Variants in USP38 observed in about 807,000 individuals in gnomAD.
The protein encoded by USP38 is ubiquitin carboxyl-terminal hydrolase 38.
Under a neutral mutation model 94.3 loss-of-function variants are expected in USP38, and 49 were observed. The ratio of observed to expected loss-of-function variants is 0.52; its 90% CI spans 0.41 to 0.66. The LOEUF (loss-of-function observed/expected upper bound fraction) is 0.66. Ranked by LOEUF, USP38 falls within the 30% of genes least tolerant of loss-of-function variation. The pLI, the probability that USP38 is intolerant of heterozygous loss-of-function variation, is 0.00. For synonymous variants in USP38, 468 were observed against 463.6 expected, an observed-to-expected ratio of 1.01 and a Z score of -0.12; for missense variants, 1,128 against 1,229.4, an observed-to-expected ratio of 0.92 and a Z score of 1.23.
chr4:143,217,704 A>G (rs940629144), intron 9 of USP38, among the ~76,000 whole-genome samples: 3 of 152,186 alleles, frequency 2.0e-5, no homozygotes, highest in Non-Finnish European at 4.4e-5. Context: ...TTTTAAATCT[A>G]GCCACAACCA....
At chr4:143,189,676 A>C (rs1005883290) in intron 2 of USP38, among the ~76,000 whole-genome samples, 1 of 151,996 alleles carries the variant, frequency 6.6e-6, no homozygotes, top group Admixed American at 6.5e-5. Context: ...TTCCAGTTTC[A>C]TACTATTCAT....
intron 9 of USP38, among the ~76,000 whole-genome samples, chr4:143,218,463 C>T (rs1242637628): frequency 2.0e-5 from 3 of 151,966 alleles, no homozygotes; most frequent in Non-Finnish European, 4.4e-5. Context: ...ACAGTTTTTC[C>T]TATTTTTATG....
chr4:143,191,525 G>A (rs1013296792), intron 2 of USP38, among the ~76,000 whole-genome samples: 2 of 152,178 alleles, frequency 1.3e-5, no homozygotes, highest in Admixed American at 6.5e-5. Flanking sequence ...ATGTAAAAAT[G>A]GAAATTGCTG....
chr4:143,192,971 T>C (rs1375760316), intron 2 of USP38, among the ~76,000 whole-genome samples: 1 of 152,150 alleles, frequency 6.6e-6, no homozygotes, highest in Non-Finnish European at 1.5e-5. Context: ...AAGTGGAATT[T>C]TCTACTCTCT....
At chr4:143,206,665 G>A (rs1731877324) in intron 6 of USP38, among the ~76,000 whole-genome samples, 1 of 152,146 alleles carries the variant, frequency 6.6e-6, no homozygotes, top group Non-Finnish European at 1.5e-5. Context: ...ACTCCAGCCT[G>A]GGTTACAGAG....
intron 9 of USP38, among the ~76,000 whole-genome samples, chr4:143,217,442 A>G (rs1037575294): frequency 1.3e-5 from 2 of 152,196 alleles, no homozygotes; most frequent in African/African-American, 4.8e-5. Context: ...TGTCTGGACT[A>G]TAAGAAATAG....
rs979021050 is a variant in USP38 at position 143,203,342 on chromosome 4, T to C, written c.1051-66T>C. On this transcript the variant is annotated intron_variant, in intron 4 of 9. Transcript: ENST00000307017. ...GATCATATATCGTTTGTGTTCTGTT[T>C]GTAGGCTAGAGAATGTGTTACCAAT... is the stretch of plus-strand genomic sequence containing the variant. 8.7e-6 allele frequency: 13 copies of C among 1,486,930 alleles called. No individual in the cohort carries two copies. The African/African-American group carries it at 1.7e-4, about 19-fold the overall frequency. 92.1% of individuals were successfully genotyped at this position (1,486,930 alleles called of 1,614,324 possible).
rs200876652 is a variant in USP38 at position 143,214,790 on chromosome 4, G to T, written c.2814G>T (p.Lys938Asn). The T allele has an allele frequency of 6.2e-7, 1 of 1,613,712 alleles. No individual in the cohort carries two copies. Among genetic ancestry groups the T allele is most frequent in the East Asian group, 2.2e-5 (1 of 44,848 alleles). The change falls in exon 9 of 10, where the codon AAG (lysine) becomes AAT (asparagine). Residue 938 changes from lysine to asparagine, a missense_variant. Physicochemically the swap from Lys to Asn is moderately conservative, Grantham distance 94. Transcript: ENST00000307017. The stretch of plus-strand genomic sequence containing the variant: ...AGAAAATTACGAGCAGGTTTCCAAA[G>T]GACACAGCTTATGTGCTTTTGTATA... ...SVQKITSRFP[K>N]DTAYVLLYKK...
chr4:143,188,097 T>C (rs1731281911), intron 2 of USP38, 136 bp downstream of exon 2: 1 of 1,109,910 alleles, frequency 9.0e-7, no homozygotes, highest in Admixed American at 3.0e-5. Flanking sequence ...ATTCTCCAAA[T>C]AGATTGGAAT....
At chr4:143,191,322 C>T (rs1731391719) in intron 2 of USP38, among the ~76,000 whole-genome samples, 1 of 152,098 alleles carries the variant, frequency 6.6e-6, no homozygotes, top group Non-Finnish European at 1.5e-5. Context: ...GAATGGGATA[C>T]ATAAGTACCT....
At position 143,220,445 on chromosome 4, in the gene USP38, C is replaced by G; in HGVS notation, c.3118C>G (p.Leu1040Val). ...AGGAGGATTTAATACAGTTGGCAGA[C>G]TCGTATTTTGATCCTGAGAGAGTCC... ...GGGGFNTVGRLVF is the reference protein window; with the variant it reads ...GGGGFNTVGRVVF Residue 1040 changes from leucine (L) to valine (V), a missense_variant, in exon 10 of 10, where the codon CTC becomes GTC. Coordinates refer to ENST00000307017, the MANE Select transcript of USP38 (RefSeq NM_032557.6). 6.2e-7 allele frequency: 1 copy of G among 1,611,586 alleles called. No individual in the cohort carries two copies. Among genetic ancestry groups the G allele is most frequent in the Non-Finnish European group, 8.5e-7 (1 of 1,178,844 alleles).
chr4:143,199,184 T>C (rs188380016), intron 4 of USP38, among the ~76,000 whole-genome samples: 96 of 152,286 alleles, frequency 6.3e-4, no homozygotes, highest in South Asian at 1.4e-3. Context: ...CCCTTTTTTG[T>C]GTTCATGAGT....
chr4:143,218,920 T>A (rs2149614439), intron 9 of USP38, among the ~76,000 whole-genome samples: 1 of 152,230 alleles, frequency 6.6e-6, no homozygotes, highest in South Asian at 2.1e-4. Context: ...GGTTTCTGTC[T>A]GTTTCTGATG....
intron 5 of USP38, 75 bp downstream of exon 5, chr4:143,203,641 C>T: frequency 2.1e-6 from 3 of 1,436,670 alleles, no homozygotes; most frequent in Middle Eastern, 2.5e-4. Flanking sequence ...TAACCAGCTA[C>T]TCAATTTACT....
intron 2 of USP38, among the ~76,000 whole-genome samples, chr4:143,194,441 A>G (rs535475603): frequency 2.6e-5 from 4 of 152,060 alleles, no homozygotes; most frequent in South Asian, 4.1e-4. Context: ...TCCCCTTTCT[A>G]TTTTCTTAGT....
intron 9 of USP38, among the ~76,000 whole-genome samples, chr4:143,216,079 T>C (rs2149613474): frequency 6.6e-6 from 1 of 152,198 alleles, no homozygotes; most frequent in East Asian, 1.9e-4. Context: ...CTACTCTCAT[T>C]TCTGTGATTA....
At chr4:143,200,593 A>C (rs1010683726) in intron 4 of USP38, among the ~76,000 whole-genome samples, 1 of 151,930 alleles carries the variant, frequency 6.6e-6, no homozygotes, top group African/African-American at 2.4e-5. Flanking sequence ...AAGTGAAACT[A>C]TTTGTAGATT....
chr4:143,211,246 G>T (rs1230858397), intron 7 of USP38, among the ~76,000 whole-genome samples: 2 of 152,166 alleles, frequency 1.3e-5, no homozygotes, highest in Non-Finnish European at 2.9e-5. Context: ...GTAGCAGCCT[G>T]ACAGAGATTA....
rs969145734 is a variant in USP38 at position 143,185,137 on chromosome 4, G to T, written c.-314G>T. 2 of 230,770 alleles carry T rather than the reference G, an allele frequency of 8.7e-6. No homozygotes were observed. Among genetic ancestry groups the T allele is most frequent in the Non-Finnish European group, 1.7e-5 (2 of 119,834 alleles). The allele number at this position is 230,770 out of a possible 1,614,324, so 14.3% of individuals were successfully genotyped here. A position where few individuals can be genotyped will look rare whatever the true frequency, so the allele number is the denominator to read the frequency against. The stretch of plus-strand genomic sequence containing the variant: ...GAGCTCCCGCCGACGCCGCTGGGGG[G>T]CCCGACAGGCCCCTCGGCGCTGATG... On this transcript the variant is annotated 5_prime_UTR_variant, in exon 1 of 10. Transcript: ENST00000307017.
Sources: allele counts gnomAD v4.1 joint callset (sites outside exome capture counted in the v4.1 genomes callset), GRCh38; gene constraint gnomAD v4.1.1; transcripts MANE v1.5; gene names NCBI Gene and HGNC (gene_info 2026-07-23, HGNC 2026-07-21).